OR14A2: variants seen among roughly 807,000 people sequenced by gnomAD.
The protein encoded by OR14A2 is olfactory receptor 14A2.
For synonymous variants in OR14A2, 114 were observed against 58.6 expected (o/e 1.95, Z -4.32); for missense variants, 237 against 152.9 (o/e 1.55, Z -2.90).
the OR14A2 span, among the ~76,000 whole-genome samples, chr1:247,729,837 T>C: frequency 0.035 from 5,282 of 152,180 alleles, 316 homozygotes; most frequent in African/African-American, 0.12. Flanking sequence ...ACTGGTTTGT[T>C]GTTTGCAGGT....
upstream of OR14A2, among the ~76,000 whole-genome samples, chr1:247,727,013 C>T (rs927471341): frequency 4.0e-5 from 6 of 150,292 alleles, no homozygotes; most frequent in East Asian, 1.9e-4. Context: ...CTTGGCGATG[C>T]GGGCTCTTTT....
chr1:247,734,857 G>A, the OR14A2 span, among the ~76,000 whole-genome samples: 1 of 152,208 alleles, frequency 6.6e-6, no homozygotes, highest in African/African-American at 2.4e-5. Flanking sequence ...AGGCAGCATA[G>A]AGGCTGTCCC....
the OR14A2 span, chr1:247,746,686 T>A: frequency 6.6e-6 from 1 of 152,344 alleles, no homozygotes; most frequent in East Asian, 1.9e-4. Context: ...GTTTTGAGCA[T>A]TGATGTAAGT....
At chr1:247,740,934 G>T in the OR14A2 span, among the ~76,000 whole-genome samples, 3 of 152,190 alleles carry the variant, frequency 2.0e-5, no homozygotes, top group Middle Eastern at 3.2e-3. Flanking sequence ...ACTTAAGAAT[G>T]TAATAAAATA....
chr1:247,747,551 AG>A, the OR14A2 span, among the ~76,000 whole-genome samples: 1 of 151,652 alleles, frequency 6.6e-6, no homozygotes, highest in Non-Finnish European at 1.5e-5. Context: ...TTTGGTAGAG[AG>A]GGGGTTTCGC....
At chr1:247,745,410 C>T in the OR14A2 span, among the ~76,000 whole-genome samples, 7,899 of 142,724 alleles carry the variant, frequency 0.055, 278 homozygotes, top group Middle Eastern at 0.13. Context: ...AGAAAGATGT[C>T]TTTTGGCTTT....
chr1:247,734,706 A>G, the OR14A2 span, among the ~76,000 whole-genome samples: 3 of 152,220 alleles, frequency 2.0e-5, no homozygotes, highest in Non-Finnish European at 4.4e-5. Flanking sequence ...AATGTAGATA[A>G]TGAAGTCCTA....
the OR14A2 span, among the ~76,000 whole-genome samples, chr1:247,733,960 T>A: frequency 1.3e-5 from 2 of 152,156 alleles, no homozygotes; most frequent in Non-Finnish European, 2.9e-5. Context: ...GAAGGTTGCA[T>A]GATAAAAATA....
chr1:247,739,492 A>G, the OR14A2 span: 1 of 780,848 alleles, frequency 1.3e-6, no homozygotes, highest in African/African-American at 1.7e-5. Flanking sequence ...CTGAAGAACA[A>G]GGACATTAAA....
the OR14A2 span, among the ~76,000 whole-genome samples, chr1:247,744,725 G>A: frequency 4.6e-5 from 7 of 152,006 alleles, no homozygotes; most frequent in Admixed American, 4.6e-4. The surrounding 1 kb of genome is among the most constrained non-coding windows in gnomAD (Gnocchi z 4.3). Context: ...AACCTTAAGG[G>A]GTATACATGC....
chr1:247,742,561 T>C, the OR14A2 span, among the ~76,000 whole-genome samples: 21 of 152,328 alleles, frequency 1.4e-4, no homozygotes, highest in African/African-American at 4.8e-4. Flanking sequence ...ACCTCACCAG[T>C]AGCTAATTAA....
chr1:247,738,684 C>T, the OR14A2 span: 1 of 780,838 alleles, frequency 1.3e-6, no homozygotes, highest in East Asian at 2.4e-5. Context: ...GCTCCTGAGG[C>T]TGCATGCTTT....
exon 1 of OR14A2, chr1:247,723,566 C>T: frequency 1.4e-6 from 1 of 718,208 alleles, no homozygotes; most frequent in Non-Finnish European, 2.6e-6. Context: ...GAAAATGTGC[C>T]AGCTGTGTAC....
the OR14A2 span, among the ~76,000 whole-genome samples, chr1:247,738,161 A>T: frequency 6.6e-6 from 1 of 152,202 alleles, no homozygotes; most frequent in Admixed American, 6.5e-5. Context: ...TCACCTGAGG[A>T]TAATGACTAT....
chr1:247,724,538 T>A (rs1305571996), upstream of OR14A2, among the ~76,000 whole-genome samples: 2 of 152,156 alleles, frequency 1.3e-5, no homozygotes, highest in Non-Finnish European at 2.9e-5. Flanking sequence ...CACTTACAGA[T>A]GTATTGAATA....
the OR14A2 span, among the ~76,000 whole-genome samples, chr1:247,741,365 T>C: frequency 6.6e-6 from 1 of 152,224 alleles, no homozygotes; most frequent in Non-Finnish European, 1.5e-5. Context: ...TGTCACTACT[T>C]CTTTAACACT....
At chr1:247,736,335 T>G in the OR14A2 span, among the ~76,000 whole-genome samples, 1 of 152,158 alleles carries the variant, frequency 6.6e-6, no homozygotes, top group African/African-American at 2.4e-5. Flanking sequence ...CCCCTTGATT[T>G]TAGGATTATT....
upstream of OR14A2, among the ~76,000 whole-genome samples, chr1:247,727,197 C>A (rs1660396229): frequency 6.7e-6 from 1 of 148,326 alleles, no homozygotes; most frequent in African/African-American, 2.6e-5. Context: ...TTTGTATCCT[C>A]TTTTATTTCC....
chr1:247,726,536 A>G (rs1660367305), upstream of OR14A2, among the ~76,000 whole-genome samples: 1 of 87,564 alleles, frequency 1.1e-5, no homozygotes, highest in South Asian at 4.8e-4. Flanking sequence ...CTTTAGTTTA[A>G]TTAGATCCCA....
Sources: gnomAD v4.1 joint callset for allele counts (sites outside exome capture counted in the v4.1 genomes callset) on GRCh38, gnomAD v4.1.1 for gene constraint, Gnocchi (gnomAD v3.1) non-coding constraint, MANE v1.5 for transcripts, NCBI Gene and HGNC (gene_info 2026-07-23, HGNC 2026-07-21) for gene names.